The following RELN variants were observed in gnomAD, a reference collection of about 807,000 sequenced individuals.
RELN encodes the protein reelin.
In RELN, 108 loss-of-function variants were observed where a neutral mutation model predicts 427.6. That is an observed-to-expected ratio of 0.25 (90% confidence interval 0.22 to 0.30). The LOEUF (loss-of-function observed/expected upper bound fraction) is 0.30. Among genes scored for constraint, RELN ranks in the 10% least tolerant of loss-of-function variants. RELN has a pLI of 1.00. For missense variants in RELN, 3,715 were observed against 4,302.8 expected (o/e 0.86, Z 3.82); for synonymous variants, 1,524 against 1,513.4 (o/e 1.01, Z -0.16).
chr7:103,973,267 T>C (rs188076656), intron 1 of RELN, among the ~76,000 whole-genome samples: 1 of 152,342 alleles, frequency 6.6e-6, no homozygotes. Context: ...AGTGTCTGTG[T>C]GGTTCTAGGG....
At chr7:103,837,998 G>A (rs1332992504) in intron 2 of RELN, among the ~76,000 whole-genome samples, 1 of 152,032 alleles carries the variant, frequency 6.6e-6, no homozygotes, top group Non-Finnish European at 1.5e-5. Context: ...ATGAGGTAAG[G>A]AGATCCAGAC....
intron 45 of RELN, among the ~76,000 whole-genome samples, chr7:103,538,721 G>T (rs1419598224): frequency 6.6e-6 from 1 of 152,198 alleles, no homozygotes; most frequent in Middle Eastern, 3.4e-3. Context: ...CATTCTCTAT[G>T]TGATGAGAGT....
At chr7:103,496,374 TA>T in intron 56 of RELN, 151 bp downstream of exon 56, 1 of 1,074,922 alleles carries the variant, frequency 9.3e-7, no homozygotes, top group Non-Finnish European at 1.4e-6. Context: ...TGAAGATTTA[TA>T]AACCACTGGG....
At chr7:103,597,529 G>T (rs891737638) in intron 24 of RELN, among the ~76,000 whole-genome samples, 2 of 152,112 alleles carry the variant, frequency 1.3e-5, no homozygotes, top group Admixed American at 6.5e-5. Context: ...CTTAAACCTG[G>T]GAGATGGAGG....
At chr7:103,743,527 G>T (rs13311611) in intron 6 of RELN, among the ~76,000 whole-genome samples, 24,316 of 152,076 alleles carry the variant, frequency 0.16, 2,108 homozygotes, top group Middle Eastern at 0.29. Flanking sequence ...CATCTCACGT[G>T]CAGAGACATA....
At chr7:103,851,424 T>G (rs1793819068) in intron 2 of RELN, among the ~76,000 whole-genome samples, 1 of 151,928 alleles carries the variant, frequency 6.6e-6, no homozygotes, top group African/African-American at 2.4e-5. Context: ...ATCTCACACA[T>G]CACCACTAAA....
intron 2 of RELN, among the ~76,000 whole-genome samples, chr7:103,886,633 A>G (rs1794731218): frequency 6.6e-6 from 1 of 152,214 alleles, no homozygotes; most frequent in Non-Finnish European, 1.5e-5. Flanking sequence ...TAATGTTATA[A>G]TCTTATCTAA....
intron 2 of RELN, among the ~76,000 whole-genome samples, chr7:103,854,346 T>A (rs772821218): frequency 6.6e-6 from 1 of 152,236 alleles, no homozygotes; most frequent in Non-Finnish European, 1.5e-5. Flanking sequence ...AAAGTCACGA[T>A]TGAATTACAT....
At chr7:103,526,357 T>C (rs966938578) in intron 46 of RELN, among the ~76,000 whole-genome samples, 1 of 152,142 alleles carries the variant, frequency 6.6e-6, no homozygotes, top group Admixed American at 6.5e-5. Context: ...AACATGGGAG[T>C]TGGCCCCTCA....
intron 43 of RELN, among the ~76,000 whole-genome samples, chr7:103,541,593 T>A (rs1830178264): frequency 6.6e-6 from 1 of 152,170 alleles, no homozygotes; most frequent in Non-Finnish European, 1.5e-5. Flanking sequence ...AATGAAAACA[T>A]ACATGGTTGG....
At chr7:103,482,797 T>C in intron 63 of RELN, 76 bp downstream of exon 63, 2 of 1,610,354 alleles carry the variant, frequency 1.2e-6, no homozygotes, top group South Asian at 2.2e-5. Context: ...TCTTACTGAA[T>C]TAAGGGTCAT....
chr7:103,751,365 T>C (rs539611564), intron 5 of RELN, among the ~76,000 whole-genome samples: 1 of 152,348 alleles, frequency 6.6e-6, no homozygotes, highest in African/African-American at 2.4e-5. Flanking sequence ...TTCTCTTTGG[T>C]GACATCCCCA....
intron 1 of RELN, among the ~76,000 whole-genome samples, chr7:103,960,945 T>C (rs1328057076): frequency 6.6e-6 from 1 of 152,250 alleles, no homozygotes; most frequent in Non-Finnish European, 1.5e-5. Flanking sequence ...GGGCAAACTT[T>C]TATGGATAGC....
Position 103,563,624 on chromosome 7 carries a change from T to C in RELN, c.5210+1654A>G, listed in dbSNP as rs1230720677. On this transcript the variant is annotated intron_variant, in intron 34 of 64. Transcript: ENST00000428762. The surrounding 1 kb of genome is among the most constrained non-coding windows in gnomAD (Gnocchi z 4.1). ...TAGTGGAGCCTAAGTGCATAGTGTT[T>C]ATGAAATCTATAGTAGTGTACAGTA... Among the ~76,000 whole-genome samples, 1 of 152,194 alleles carries C rather than the reference T, an allele frequency of 6.6e-6. No individual in the cohort carries two copies. The highest frequency in any genetic ancestry group is 2.4e-5 in the African/African-American group (1 of 41,454).
chr7:103,949,459 C>T (rs1274011893), intron 1 of RELN, among the ~76,000 whole-genome samples: 5 of 152,000 alleles, frequency 3.3e-5, no homozygotes, highest in Admixed American at 6.6e-5. Context: ...AGGTCATAAA[C>T]GAGGAGCCCT....
At chr7:103,662,930 C>T (rs1833176339) in intron 11 of RELN, among the ~76,000 whole-genome samples, 1 of 152,128 alleles carries the variant, frequency 6.6e-6, no homozygotes, top group Admixed American at 6.5e-5. Flanking sequence ...CTTGGCCTGG[C>T]CCAAGAACAT....
rs559401730 is a variant in RELN at position 103,757,147 on chromosome 7, A to G, written c.545-3933T>C. ...TTGGATACTACCTGCCTTGCCTCAT[A>G]CTAGTGACTATGAGTGAATTATTAA... On this transcript the variant is annotated intron_variant, in intron 4 of 64. Coordinates refer to ENST00000428762, the MANE Select transcript of RELN (RefSeq NM_005045.4). Among the ~76,000 whole-genome samples the G allele has an allele frequency of 5.3e-5, 8 of 152,272 alleles. No homozygotes were observed. The South Asian group carries it at 1.7e-3, about 32-fold the overall frequency.
chr7:103,733,182 T>C (rs562305402), intron 6 of RELN, among the ~76,000 whole-genome samples: 5 of 152,110 alleles, frequency 3.3e-5, no homozygotes, highest in Non-Finnish European at 7.4e-5. Context: ...AAAAAACACA[T>C]GAAAGAATGC....
chr7:103,683,047 CAT>C (rs1279348596), intron 10 of RELN, among the ~76,000 whole-genome samples: 6 of 151,580 alleles, frequency 4.0e-5, no homozygotes, highest in Non-Finnish European at 1.5e-5. Context: ...GGTAATAAGT[CAT>C]ATATAGAGAG....
Sources: gnomAD v4.1 joint callset for allele counts (sites outside exome capture counted in the v4.1 genomes callset) on GRCh38, gnomAD v4.1.1 for gene constraint, Gnocchi (gnomAD v3.1) non-coding constraint, MANE v1.5 for transcripts, NCBI Gene and HGNC (gene_info 2026-07-23, HGNC 2026-07-21) for gene names.